Variants in TENM3 observed in about 807,000 individuals in gnomAD.
The protein encoded by TENM3 is teneurin transmembrane protein 3, also known as teneurin-3.
A neutral mutation model predicts 255.1 loss-of-function variants in TENM3; 63 were observed. The observed-to-expected ratio is 0.25, with a 90% CI of 0.20 to 0.30. TENM3 has a LOEUF of 0.30. Among genes scored for constraint, TENM3 ranks in the 10% least tolerant of loss-of-function variants. The pLI is 1.00. For missense variants in TENM3, 2,929 were observed against 3,461.1 expected (o/e 0.85, Z 3.86); for synonymous variants, 1,306 against 1,322.3 (o/e 0.99, Z 0.27).
At chr4:181,660,113 T>C in the TENM3 span, among the ~76,000 whole-genome samples, 1 of 152,098 alleles carries the variant, frequency 6.6e-6, no homozygotes, top group African/African-American at 2.4e-5. Flanking sequence ...GTATAAACAT[T>C]TGTTTTCTTT....
intron 3 of TENM3, among the ~76,000 whole-genome samples, chr4:182,556,130 A>G (rs1742563091): frequency 6.6e-6 from 1 of 152,188 alleles, no homozygotes; most frequent in African/African-American, 2.4e-5. Context: ...GAATCTGGCT[A>G]GAAGGCACAA....
At chr4:182,710,222 C>T (rs146589820) in intron 12 of TENM3, among the ~76,000 whole-genome samples, 13 of 152,238 alleles carry the variant, frequency 8.5e-5, no homozygotes, top group Non-Finnish European at 1.9e-4. Flanking sequence ...CTATGAGAAT[C>T]AGAAACTCCA....
At chr4:182,447,040 A>G (rs1772979886) in intron 3 of TENM3, among the ~76,000 whole-genome samples, 1 of 152,166 alleles carries the variant, frequency 6.6e-6, no homozygotes, top group South Asian at 2.1e-4. Context: ...CAATTTACTA[A>G]AGAGAAAGAA....
At chr4:182,093,777 G>T in the TENM3 span, among the ~76,000 whole-genome samples, 13 of 152,226 alleles carry the variant, frequency 8.5e-5, 1 homozygote, top group East Asian at 1.4e-3. Flanking sequence ...TTCCACGACA[G>T]GGTCCCTCCA....
intron 1 of TENM3, among the ~76,000 whole-genome samples, chr4:182,188,019 G>A (rs1348637840): frequency 1.3e-5 from 2 of 152,098 alleles, no homozygotes; most frequent in African/African-American, 4.8e-5. Flanking sequence ...TCTGTACTGT[G>A]ATACAGTGTT....
At chr4:182,161,785 A>AT (rs1448046445) in intron 1 of TENM3, among the ~76,000 whole-genome samples, 1,017 of 45,802 alleles carry the variant, frequency 0.022, 357 homozygotes, top group African/African-American at 0.087. Flanking sequence ...ATATATACAC[A>AT]AATATATGTA....
At chr4:182,765,698 G>C (rs1468229725) in intron 22 of TENM3, among the ~76,000 whole-genome samples, 6 of 152,114 alleles carry the variant, frequency 3.9e-5, no homozygotes, top group Non-Finnish European at 8.8e-5. Flanking sequence ...GGTCGCGATT[G>C]TGTCGCTTAC....
chr4:182,457,558 C>CTTTTTTTTTTT (rs768197836), intron 3 of TENM3, among the ~76,000 whole-genome samples: 2 of 115,240 alleles, frequency 1.7e-5, no homozygotes, highest in Non-Finnish European at 3.4e-5. Context: ...TCATGTATAT[C>CTTTTTTTTTTT]TTTTTTTTTT....
the TENM3 span, among the ~76,000 whole-genome samples, chr4:181,534,859 C>T: frequency 7.2e-5 from 11 of 152,178 alleles, no homozygotes; most frequent in African/African-American, 1.9e-4. Flanking sequence ...CAGAACAGTC[C>T]TTGTAACTTC....
At chr4:182,226,346 A>G (rs1310720245) in intron 1 of TENM3, among the ~76,000 whole-genome samples, 2 of 152,186 alleles carry the variant, frequency 1.3e-5, no homozygotes, top group East Asian at 1.9e-4. Flanking sequence ...CAAGTGATCT[A>G]TTTATTCTTG....
At chr4:181,741,485 CA>C in the TENM3 span, among the ~76,000 whole-genome samples, 4 of 152,088 alleles carry the variant, frequency 2.6e-5, no homozygotes, top group African/African-American at 9.7e-5. Flanking sequence ...AAAAAGGAGC[CA>C]TATGTTCATA....
At chr4:181,797,603 T>C in the TENM3 span, among the ~76,000 whole-genome samples, 1 of 152,216 alleles carries the variant, frequency 6.6e-6, no homozygotes, top group Non-Finnish European at 1.5e-5. Context: ...TCATAGGCAT[T>C]AACAAGTAAA....
chr4:182,706,371 A>G (rs929548843), intron 12 of TENM3, among the ~76,000 whole-genome samples: 2 of 152,192 alleles, frequency 1.3e-5, no homozygotes, highest in African/African-American at 4.8e-5. Flanking sequence ...TAAACCGGTT[A>G]ATTCACATTA....
At chr4:181,507,097 C>T in the TENM3 span, among the ~76,000 whole-genome samples, 5 of 152,126 alleles carry the variant, frequency 3.3e-5, no homozygotes, top group Non-Finnish European at 2.9e-5. Flanking sequence ...TTTTGGTATC[C>T]GTACCTGATC....
the TENM3 span, among the ~76,000 whole-genome samples, chr4:181,781,614 T>C: frequency 6.6e-6 from 1 of 152,214 alleles, no homozygotes; most frequent in South Asian, 2.1e-4. Flanking sequence ...CTTTATTTCT[T>C]TCTCGTGTCT....
intron 1 of TENM3, among the ~76,000 whole-genome samples, chr4:182,278,689 G>A (rs1235415521): frequency 6.6e-6 from 1 of 151,478 alleles, no homozygotes; most frequent in East Asian, 1.9e-4. Flanking sequence ...AAAGGAGGTG[G>A]AAATCAGCTC....
At chr4:181,864,202 G>GCACATTATT in the TENM3 span, among the ~76,000 whole-genome samples, 3 of 152,134 alleles carry the variant, frequency 2.0e-5, no homozygotes, top group Non-Finnish European at 4.4e-5. Flanking sequence ...CTGTGAAACT[G>GCACATTATT]CACATTATTC....
In TENM3 at chr4:182,550,581, AG is replaced by A. The variant is rs1296529168; in HGVS notation, c.512-50342del. The stretch of plus-strand genomic sequence containing the variant: ...TCTGACTTTAATTCTTAGCCTCTGA[AG>A]CTTGCTTAAAATATTTCTTTTTGGG... On this transcript the variant is annotated intron_variant, in intron 3 of 27. Coordinates refer to ENST00000511685, the MANE Select transcript of TENM3 (RefSeq NM_001080477.4). Among the ~76,000 whole-genome samples the A allele has an allele frequency of 2.6e-5, 4 of 152,164 alleles. No homozygotes were observed. The East Asian group carries it at 7.7e-4, about 29-fold the overall frequency.
At chr4:182,386,178 A>C (rs1767901567) in intron 3 of TENM3, among the ~76,000 whole-genome samples, 1 of 152,212 alleles carries the variant, frequency 6.6e-6, no homozygotes, top group Non-Finnish European at 1.5e-5. Context: ...TTTGTTTAAA[A>C]ATTTCAGTAA....
Sources: allele counts gnomAD v4.1 joint callset (sites outside exome capture counted in the v4.1 genomes callset), GRCh38; gene constraint gnomAD v4.1.1; transcripts MANE v1.5; gene names NCBI Gene and HGNC (gene_info 2026-07-23, HGNC 2026-07-21).